CLECL1: variants seen among roughly 807,000 people sequenced by gnomAD.
The protein encoded by CLECL1 is C-type lectin-like domain family 1.
chr12:9,728,026 T>TC (rs1866400286), intron 2 of CLECL1, among the ~76,000 whole-genome samples: 1 of 151,858 alleles, frequency 6.6e-6, no homozygotes, highest in East Asian at 1.9e-4. Flanking sequence ...TCCTATTAAT[T>TC]ATATCAGGTG....
the CLECL1 span, among the ~76,000 whole-genome samples, chr12:9,708,500 A>T: frequency 6.6e-6 from 1 of 152,266 alleles, no homozygotes; most frequent in East Asian, 1.9e-4. Context: ...AAGGAAAACC[A>T]GGTCTGAGGG....
intron 1 of CLECL1, among the ~76,000 whole-genome samples, chr12:9,730,764 A>G (rs1195410787): frequency 6.6e-6 from 1 of 151,368 alleles, no homozygotes; most frequent in African/African-American, 2.4e-5. Flanking sequence ...ATCACTGCTC[A>G]CTGCAACCTC....
chr12:9,720,795 A>C (rs184624171), downstream of CLECL1, among the ~76,000 whole-genome samples: 4 of 152,106 alleles, frequency 2.6e-5, no homozygotes, highest in East Asian at 5.8e-4. Context: ...ATTTCTGCAG[A>C]CCCCAGGAGC....
chr12:9,711,548 TACTCAAC>T (rs1866201107), downstream of CLECL1, among the ~76,000 whole-genome samples: 1 of 152,154 alleles, frequency 6.6e-6, no homozygotes, highest in Non-Finnish European at 1.5e-5. Flanking sequence ...GTTTTCACCG[TACTCAAC>T]TATCAGTAGA....
At chr12:9,717,949 T>G (rs1866258402), downstream of CLECL1, among the ~76,000 whole-genome samples, 1 of 152,152 alleles carries the variant, frequency 6.6e-6, no homozygotes, top group Non-Finnish European at 1.5e-5. Context: ...ATATTATACA[T>G]TTCCCTCTAA....
chr12:9,706,462 T>C, the CLECL1 span, among the ~76,000 whole-genome samples: 1 of 152,338 alleles, frequency 6.6e-6, no homozygotes, highest in East Asian at 1.9e-4. Context: ...CTTTGAGCTT[T>C]TGCCCATTTA....
the CLECL1 span, among the ~76,000 whole-genome samples, chr12:9,705,424 A>G: frequency 2.6e-5 from 4 of 152,068 alleles, no homozygotes; most frequent in Non-Finnish European, 5.9e-5. Context: ...CCATTTGTCA[A>G]TCTTTCCTTT....
exon 4 of CLECL1, chr12:9,722,750 C>T: frequency 6.2e-7 from 1 of 1,613,926 alleles, no homozygotes; most frequent in Non-Finnish European, 8.5e-7. Flanking sequence ...GTAACATTTT[C>T]CCTTATGCAC....
chr12:9,728,653 T>C (rs1036294148), intron 2 of CLECL1, among the ~76,000 whole-genome samples: 6 of 151,952 alleles, frequency 3.9e-5, no homozygotes, highest in Non-Finnish European at 5.9e-5. Flanking sequence ...AGAAAATCTA[T>C]TGCCTTCTAA....
chr12:9,704,485 A>C, the CLECL1 span, among the ~76,000 whole-genome samples: 1 of 152,118 alleles, frequency 6.6e-6, no homozygotes, highest in African/African-American at 2.4e-5. Flanking sequence ...TGTCATGGAG[A>C]TTTATTGTAC....
downstream of CLECL1, among the ~76,000 whole-genome samples, chr12:9,720,027 G>GCTTC (rs1866290105): frequency 2.0e-5 from 3 of 152,174 alleles, no homozygotes; most frequent in Non-Finnish European, 4.4e-5. Flanking sequence ...GTGAGTGGAA[G>GCTTC]GGGTGATGGC....
At chr12:9,733,981 C>T (rs1866485900), upstream of CLECL1, among the ~76,000 whole-genome samples, 1 of 152,132 alleles carries the variant, frequency 6.6e-6, no homozygotes, top group Non-Finnish European at 1.5e-5. Context: ...CAGCCAACAC[C>T]ATACAGAGGG....
the CLECL1 span, among the ~76,000 whole-genome samples, chr12:9,709,716 C>G: frequency 1.3e-5 from 2 of 152,124 alleles, no homozygotes; most frequent in Non-Finnish European, 2.9e-5. Flanking sequence ...GTGAATGACC[C>G]TAAATGGCAT....
chr12:9,718,646 G>A (rs1320816490), downstream of CLECL1: 4 of 676,876 alleles, frequency 5.9e-6, no homozygotes, highest in East Asian at 2.7e-5. Flanking sequence ...CTTACAGTGA[G>A]GCCATTGCGG....
intron 2 of CLECL1, among the ~76,000 whole-genome samples, chr12:9,727,916 C>T (rs144772103): frequency 2.0e-5 from 3 of 151,842 alleles, no homozygotes; most frequent in African/African-American, 7.2e-5. Flanking sequence ...GAAGAATAAG[C>T]ACTTGAATTT....
intron 1 of CLECL1, among the ~76,000 whole-genome samples, chr12:9,732,459 T>A (rs1322368754): frequency 6.6e-6 from 1 of 152,234 alleles, no homozygotes; most frequent in Non-Finnish European, 1.5e-5. Context: ...AGTCATTAAT[T>A]CTAGACTTTA....
intron 1 of CLECL1, among the ~76,000 whole-genome samples, chr12:9,729,689 A>G (rs1474059990): frequency 6.6e-6 from 1 of 152,172 alleles, no homozygotes; most frequent in East Asian, 1.9e-4. Flanking sequence ...ACAAAATTGA[A>G]TAGATTTCAC....
intron 3 of CLECL1, among the ~76,000 whole-genome samples, chr12:9,727,504 A>T (rs1215065545): frequency 1.3e-5 from 2 of 151,772 alleles, no homozygotes; most frequent in Admixed American, 1.3e-4. Context: ...TCGTCAAAGA[A>T]AATCAAGGCT....
At chr12:9,714,976 C>G (rs1329469606), downstream of CLECL1, among the ~76,000 whole-genome samples, 1 of 152,140 alleles carries the variant, frequency 6.6e-6, no homozygotes, top group African/African-American at 2.4e-5. Context: ...AGGATCTAGT[C>G]CTTTTCTATC....
Sources: allele counts gnomAD v4.1 joint callset (sites outside exome capture counted in the v4.1 genomes callset), GRCh38; gene constraint gnomAD v4.1.1; transcripts MANE v1.5; gene names NCBI Gene and HGNC (gene_info 2026-07-23, HGNC 2026-07-21).